GALNT18: variants seen among roughly 807,000 people sequenced by gnomAD.
The protein encoded by GALNT18 is polypeptide N-acetylgalactosaminyltransferase 18.
In GALNT18, 44 loss-of-function variants were observed where a neutral mutation model predicts 69.5. The observed-to-expected ratio is 0.63, with a 90% CI of 0.50 to 0.81. The LOEUF is 0.81. Among genes scored for constraint, GALNT18 ranks in the 40% least tolerant of loss-of-function variants. The probability of loss-of-function intolerance (pLI) is 0.00; values close to 1 mark genes in which losing one functional copy is unlikely to be tolerated. For synonymous variants in GALNT18, 364 were observed against 318.2 expected, an observed-to-expected ratio of 1.14 and a Z score of -1.53; for missense variants, 715 against 810.0, an observed-to-expected ratio of 0.88 and a Z score of 1.42.
chr11:11,574,401 C>T (rs966926630), intron 1 of GALNT18, among the ~76,000 whole-genome samples: 1 of 152,144 alleles, frequency 6.6e-6, no homozygotes, highest in African/African-American at 2.4e-5. Flanking sequence ...GAACCATCTC[C>T]CTGGTCTGGA....
At chr11:11,483,871 C>T (rs980816800) in intron 1 of GALNT18, among the ~76,000 whole-genome samples, 3 of 152,008 alleles carry the variant, frequency 2.0e-5, no homozygotes, top group Non-Finnish European at 4.4e-5. Context: ...GGCTCCTTTC[C>T]GTGTGTTTTT....
intron 9 of GALNT18, among the ~76,000 whole-genome samples, chr11:11,295,608 T>C: frequency 6.6e-6 from 1 of 152,038 alleles, no homozygotes; most frequent in East Asian, 1.9e-4. Context: ...TCCATTGAAA[T>C]GTTCCATAAC....
intron 3 of GALNT18, among the ~76,000 whole-genome samples, chr11:11,423,931 C>T (rs1366540491): frequency 1.3e-5 from 2 of 152,214 alleles, no homozygotes; most frequent in South Asian, 2.1e-4. Context: ...ACTAAGCGCT[C>T]AATGAGCTGG....
chr11:11,384,604 C>A (rs1410852255), intron 3 of GALNT18, among the ~76,000 whole-genome samples: 4 of 152,118 alleles, frequency 2.6e-5, no homozygotes, highest in African/African-American at 9.7e-5. Context: ...CCACAGCAGC[C>A]CTCATAAATG....
At chr11:11,287,590 C>T (rs1849216948) in intron 10 of GALNT18, among the ~76,000 whole-genome samples, 1 of 152,160 alleles carries the variant, frequency 6.6e-6, no homozygotes, top group South Asian at 2.1e-4. Flanking sequence ...TCCCCCAAAT[C>T]TCAGTACGAA....
chr11:11,362,805 C>A (rs572973119), intron 6 of GALNT18, among the ~76,000 whole-genome samples: 1 of 152,160 alleles, frequency 6.6e-6, no homozygotes, highest in Non-Finnish European at 1.5e-5. Flanking sequence ...GTTACGTATG[C>A]ATTTACCCTT....
rs1181178356 is a variant in GALNT18 at position 11,347,097 on chromosome 11, G to A, written c.1093-6093C>T. Among the ~76,000 whole-genome samples the A allele has an allele frequency of 6.6e-6, 1 of 152,070 alleles. No individual in the cohort carries two copies. The highest frequency in any genetic ancestry group is 2.4e-5 in the African/African-American group (1 of 41,408). ...CAAGGTCAGGGTTACATCTTGTATT[G>A]GCCACTCACACAAACAAGCCTCCTG... On this transcript the variant is annotated intron_variant, in intron 6 of 10. Coordinates refer to ENST00000227756, the MANE Select transcript of GALNT18 (RefSeq NM_198516.3). This position sits in a 1 kb window ranked among gnomAD's most constrained non-coding sequence, Gnocchi z 4.0.
chr11:11,479,964 G>A lies in GALNT18; in HGVS notation c.236-31028C>T, dbSNP rs1483975139. Among the ~76,000 whole-genome samples, 9 of 152,266 alleles carry A rather than the reference G, an allele frequency of 5.9e-5. No homozygotes were observed. The East Asian group carries it at 9.7e-4, about 16-fold the overall frequency. On this transcript the variant is annotated intron_variant, in intron 1 of 10. Transcript: ENST00000227756. ...TAGATGCTCTACCTCCCGGGTCCAG[G>A]AGTGATAGAGAAGATGAGGAGAGAG...
rs574189399 is a variant in GALNT18 at position 11,592,006 on chromosome 11, G to C, written c.235+29353C>G. 8.5e-4 allele frequency among the ~76,000 whole-genome samples: 129 copies of C among 152,250 alleles called. 1 individual carries two copies. Among genetic ancestry groups the C allele is most frequent in the African/African-American group, 3.0e-3 (125 of 41,528 alleles). On this transcript the variant is annotated intron_variant, in intron 1 of 10. Coordinates refer to ENST00000227756, the MANE Select transcript of GALNT18 (RefSeq NM_198516.3). This position sits in a 1 kb window ranked among gnomAD's most constrained non-coding sequence, Gnocchi z 5.9. Reference sequence around the variant, plus strand: ...GCCTCAATTTTATAATAGAAAAAGGGGATAATAATAGCATATCTCAGTTTG... The same window carrying C: ...GCCTCAATTTTATAATAGAAAAAGGCGATAATAATAGCATATCTCAGTTTG...
intron 1 of GALNT18, 82 bp from the exon 2 acceptor site, chr11:11,449,018 A>G: frequency 8.4e-7 from 1 of 1,192,926 alleles, no homozygotes; most frequent in Non-Finnish European, 1.1e-6. Flanking sequence ...TTCCTCACAA[A>G]CAGCCTTTGG....
intron 10 of GALNT18, among the ~76,000 whole-genome samples, chr11:11,279,232 A>G (rs2132982258): frequency 6.6e-6 from 1 of 152,326 alleles, no homozygotes; most frequent in East Asian, 1.9e-4. Context: ...CTTCCTGTAC[A>G]GCCTGAAGAA....
chr11:11,283,636 C>T (rs11600002), intron 10 of GALNT18, among the ~76,000 whole-genome samples: 22,446 of 152,192 alleles, frequency 0.15, 1,855 homozygotes, highest in South Asian at 0.24. Flanking sequence ...GCTGGGGCTT[C>T]GTGCAGAGAC....
intron 4 of GALNT18, among the ~76,000 whole-genome samples, chr11:11,378,739 T>A (rs1457754622): frequency 6.6e-6 from 1 of 152,150 alleles, no homozygotes; most frequent in Non-Finnish European, 1.5e-5. Context: ...CTTTCCTAGG[T>A]GTGGGAACCC....
Position 11,275,523 on chromosome 11 carries a change from G to A in GALNT18, c.1678-4233C>T, listed in dbSNP as rs1394912950. Among the ~76,000 whole-genome samples, 5 of 152,206 alleles carry A rather than the reference G, an allele frequency of 3.3e-5. No individual in the cohort carries two copies. In the East Asian group the frequency reaches 9.6e-4, roughly 29 times the overall value. ...TGATGATTTCTCTTGCTGTGCAGAA[G>A]CTCTTTAGTTTAATTAGATCCCATT... is the stretch of plus-strand genomic sequence containing the variant. On this transcript the variant is annotated intron_variant, in intron 10 of 10. Coordinates refer to ENST00000227756, the MANE Select transcript of GALNT18 (RefSeq NM_198516.3).
intron 3 of GALNT18, among the ~76,000 whole-genome samples, chr11:11,417,244 G>A (rs531822279): frequency 5.3e-5 from 8 of 152,324 alleles, no homozygotes; most frequent in South Asian, 4.1e-4. Flanking sequence ...TATAGCCAAC[G>A]ATGATGCCCT....
At chr11:11,352,367 T>C (rs1453492850) in intron 6 of GALNT18, 1 of 1,614,162 alleles carries the variant, frequency 6.2e-7, no homozygotes. Context: ...ATAAATCTTC[T>C]GTCCCCAGAA....
chr11:11,447,735 A>G (rs960986312), intron 2 of GALNT18, among the ~76,000 whole-genome samples: 1 of 152,110 alleles, frequency 6.6e-6, no homozygotes, highest in Non-Finnish European at 1.5e-5. Context: ...GAACTTACTC[A>G]CTATCAGGAG....
At position 11,587,229 on chromosome 11, in the gene GALNT18, T is replaced by G. The variant is rs188971212; in HGVS notation, c.235+34130A>C. Among the ~76,000 whole-genome samples the G allele has an allele frequency of 6.8e-4, 103 of 152,308 alleles. No homozygotes were observed. Among genetic ancestry groups the G allele is most frequent in the Non-Finnish European group, 5.9e-4 (40 of 68,034 alleles). On this transcript the variant is annotated intron_variant, in intron 1 of 10. Coordinates refer to ENST00000227756, the MANE Select transcript of GALNT18 (RefSeq NM_198516.3). This position sits in a 1 kb window ranked among gnomAD's most constrained non-coding sequence, Gnocchi z 4.4. ...AATGCCACATTAGCTGTTTATATAT[T>G]TGAATATCAACCTTCACTGGCTCAC...
At chr11:11,561,779 C>T (rs1017746893) in intron 1 of GALNT18, among the ~76,000 whole-genome samples, 1 of 152,144 alleles carries the variant, frequency 6.6e-6, no homozygotes, top group African/African-American at 2.4e-5. Context: ...CAGGGAGTGG[C>T]CCATTGGGCA....
Sources: allele counts gnomAD v4.1 joint callset (sites outside exome capture counted in the v4.1 genomes callset), GRCh38; gene constraint gnomAD v4.1.1; non-coding constraint Gnocchi (gnomAD v3.1); transcripts MANE v1.5; gene names NCBI Gene and HGNC (gene_info 2026-07-23, HGNC 2026-07-21).